ALK: variants seen among roughly 807,000 people sequenced by gnomAD.
ALK encodes ALK receptor tyrosine kinase, also known as ALK tyrosine kinase receptor.
A neutral mutation model predicts 163.1 loss-of-function variants in ALK; 74 were observed. That is an observed-to-expected ratio of 0.45 (90% confidence interval 0.38 to 0.55). The LOEUF (loss-of-function observed/expected upper bound fraction) is 0.55. Ranked by LOEUF, ALK falls within the 20% of genes least tolerant of loss-of-function variation. The pLI is 0.00. For missense variants in ALK, 2,063 were observed against 2,105.3 expected (o/e 0.98, Z 0.39); for synonymous variants, 960 against 843.2 (o/e 1.14, Z -2.40).
chr2:29,438,265 G>C (rs759398431), intron 4 of ALK, among the ~76,000 whole-genome samples: 2 of 152,224 alleles, frequency 1.3e-5, no homozygotes, highest in Non-Finnish European at 2.9e-5. Flanking sequence ...AGTGTAGTTA[G>C]ATGTAAGTTC....
intron 3 of ALK, among the ~76,000 whole-genome samples, chr2:29,551,485 A>C (rs978752374): frequency 3.3e-5 from 5 of 152,154 alleles, no homozygotes; most frequent in African/African-American, 9.7e-5. Flanking sequence ...ACAGATGAAG[A>C]AACAAATTTA....
At chr2:29,900,604 T>C (rs950320936) in intron 1 of ALK, among the ~76,000 whole-genome samples, 4 of 152,252 alleles carry the variant, frequency 2.6e-5, no homozygotes, top group African/African-American at 9.6e-5. Context: ...CTTCACTCAA[T>C]GTCTATCCGC....
intron 1 of ALK, among the ~76,000 whole-genome samples, chr2:29,762,115 T>C (rs542060449): frequency 3.9e-5 from 6 of 152,334 alleles, no homozygotes; most frequent in African/African-American, 7.2e-5. Context: ...TTCTTTAAAG[T>C]TGGTTTTCCC....
intron 4 of ALK, among the ~76,000 whole-genome samples, chr2:29,517,809 C>T (rs1672711666): frequency 6.6e-6 from 1 of 152,134 alleles, no homozygotes; most frequent in South Asian, 2.1e-4. Context: ...TTTGTTTTAC[C>T]TCCAAAGACT....
intron 1 of ALK, among the ~76,000 whole-genome samples, chr2:29,911,638 T>C (rs1168261807): frequency 6.6e-6 from 1 of 152,074 alleles, no homozygotes; most frequent in Admixed American, 6.6e-5. Flanking sequence ...GTGGCAGAGG[T>C]GTGGACAGAC....
Position 29,232,361 on chromosome 2 carries a change from C to G in ALK, c.2575G>C (p.Glu859Gln). The G allele has an allele frequency of 6.2e-7, 1 of 1,614,270 alleles. No individual in the cohort carries two copies. Among genetic ancestry groups the G allele is most frequent in the Non-Finnish European group, 8.5e-7 (1 of 1,180,052 alleles). Residue 859 changes from glutamate (E) to glutamine (Q), a missense_variant, in exon 15 of 29, where the codon GAG (glutamate) becomes CAG (glutamine). Physicochemically the swap from Glu to Gln is conservative, Grantham distance 29. Around this residue, in one of 5 missense-constraint regions of ALK, gnomAD observed 575 missense variants for 626.6 expected, o/e 0.92. Coordinates refer to ENST00000389048, the MANE Select transcript of ALK (RefSeq NM_004304.5). ...YGAKTDTFHP[E>Q]RLENNSSVLG... Reference sequence around the variant, plus strand: ...ACCGAGGAGTTATTCTCCAGTCTCTCTGGGTGGAACGTGTCTGTCTTGGCC... The same window carrying G: ...ACCGAGGAGTTATTCTCCAGTCTCTGTGGGTGGAACGTGTCTGTCTTGGCC...
At chr2:29,617,272 T>C (rs1380558708) in intron 3 of ALK, among the ~76,000 whole-genome samples, 2 of 152,234 alleles carry the variant, frequency 1.3e-5, no homozygotes, top group Non-Finnish European at 2.9e-5. Context: ...CAGAAGCCTC[T>C]GCTCTTTTAC....
Position 29,197,479 on chromosome 2 carries a change from G to A in ALK, c.4073+63C>T, listed in dbSNP as rs1254486311. 9 of 1,606,228 alleles carry A rather than the reference G, an allele frequency of 5.6e-6. No individual in the cohort carries two copies. In the East Asian group the frequency reaches 1.8e-4, roughly 32 times the overall value. Reference sequence around the variant, plus strand: ...ATCTTAAAGAAGCATATGTGGCTCTGGATATTTTTTGAAAAGAAAAACTGC... The same window carrying A: ...ATCTTAAAGAAGCATATGTGGCTCTAGATATTTTTTGAAAAGAAAAACTGC... On this transcript the variant is annotated intron_variant, in intron 27 of 28. Coordinates refer to ENST00000389048, the MANE Select transcript of ALK (RefSeq NM_004304.5).
At chr2:29,738,620 A>G (rs941649550) in intron 1 of ALK, among the ~76,000 whole-genome samples, 23 of 152,044 alleles carry the variant, frequency 1.5e-4, no homozygotes, top group African/African-American at 5.6e-4. Flanking sequence ...GGGTTTTTCA[A>G]TGTGGGAAAA....
intron 1 of ALK, among the ~76,000 whole-genome samples, chr2:29,735,228 G>A (rs1679858359): frequency 6.6e-6 from 1 of 151,906 alleles, no homozygotes; most frequent in South Asian, 2.1e-4. Flanking sequence ...CCATTCCCCT[G>A]TTTAGAATAA....
intron 1 of ALK, among the ~76,000 whole-genome samples, chr2:29,878,331 G>A (rs754594186): frequency 5.9e-5 from 9 of 152,090 alleles, no homozygotes; most frequent in African/African-American, 1.7e-4. Flanking sequence ...TGAAAATAAC[G>A]AAAACTATTA....
chr2:29,311,243 T>C (rs1258483055), intron 8 of ALK, among the ~76,000 whole-genome samples: 1 of 152,190 alleles, frequency 6.6e-6, no homozygotes, highest in Non-Finnish European at 1.5e-5. Flanking sequence ...GAGCAGGTGC[T>C]CTTCAAAATG....
chr2:29,823,989 ATTGT>A (rs1203304845), intron 1 of ALK, among the ~76,000 whole-genome samples: 1 of 152,012 alleles, frequency 6.6e-6, no homozygotes. Context: ...GGAGGAAAAC[ATTGT>A]TTGGTGGGCT....
chr2:29,283,962 T>G (rs112104474), intron 9 of ALK, among the ~76,000 whole-genome samples: 6,613 of 152,202 alleles, frequency 0.043, 197 homozygotes, highest in Middle Eastern at 0.065. Flanking sequence ...TCCCGAGGAT[T>G]TCAGTCAGTG....
At chr2:29,204,387 C>T (rs751782531) in intron 26 of ALK, among the ~76,000 whole-genome samples, 4 of 150,282 alleles carry the variant, frequency 2.7e-5, no homozygotes, top group Non-Finnish European at 4.5e-5. Flanking sequence ...ACAACACCTC[C>T]GACTTTCCTC....
intron 2 of ALK, among the ~76,000 whole-genome samples, chr2:29,697,790 A>T (rs1390897125): frequency 3.9e-5 from 6 of 152,152 alleles, no homozygotes; most frequent in African/African-American, 7.2e-5. Flanking sequence ...GCTGCTTCTG[A>T]GGCTACTACT....
intron 4 of ALK, among the ~76,000 whole-genome samples, chr2:29,455,724 G>C (rs577926202): frequency 6.6e-6 from 1 of 152,206 alleles, no homozygotes; most frequent in Non-Finnish European, 1.5e-5. Context: ...AGAAGTAAGA[G>C]AAATGGGAAT....
Position 29,725,154 on chromosome 2 carries a change from C to CAAAAAAAAAAAA in ALK, c.668-7469_668-7458dup, listed in dbSNP as rs757959526. Among the ~76,000 whole-genome samples the CAAAAAAAAAAAA allele has an allele frequency of 5.9e-5, 4 of 67,370 alleles. 1 individual carries two copies. The highest frequency in any genetic ancestry group is 1.8e-4 in the Admixed American group (1 of 5,680). 44.2% of individuals were successfully genotyped at this position (67,370 alleles called of 152,430 possible). A position where few individuals can be genotyped will look rare whatever the true frequency, so the allele number is the denominator to read the frequency against. On this transcript the variant is annotated intron_variant, in intron 1 of 28. Coordinates refer to ENST00000389048, the MANE Select transcript of ALK (RefSeq NM_004304.5). The stretch of plus-strand genomic sequence containing the variant: ...TGGTTACCTTCAGGCTATCCTATAC[C>CAAAAAAAAAAAA]AAAAAAAAAAAAAAAAAAAGGAATC...
intron 5 of ALK, among the ~76,000 whole-genome samples, chr2:29,341,526 G>A (rs1667790891): frequency 6.6e-6 from 1 of 152,194 alleles, no homozygotes; most frequent in Non-Finnish European, 1.5e-5. Flanking sequence ...AAGGAGGGAG[G>A]ATCGCTTTAG....
Sources: gnomAD v4.1 joint callset for allele counts (sites outside exome capture counted in the v4.1 genomes callset) on GRCh38, gnomAD v4.1.1 for gene constraint, gnomAD v4.1.1 regional missense constraint, MANE v1.5 for transcripts, NCBI Gene and HGNC (gene_info 2026-07-23, HGNC 2026-07-21) for gene names.